Variants in ZDBF2 observed in about 807,000 individuals in gnomAD.
ZDBF2 encodes DBF4-type zinc finger-containing protein 2.
In ZDBF2, 6 loss-of-function variants were observed where a neutral mutation model predicts 9.4. That is an observed-to-expected ratio of 0.64 (90% confidence interval 0.35 to 1.27). ZDBF2 has a LOEUF of 1.27. ZDBF2 is among the 50% of genes most tolerant of loss of function. The pLI is 0.03. For missense variants in ZDBF2, 2,697 were observed against 2,766.8 expected, an observed-to-expected ratio of 0.97 and a Z score of 0.57; for synonymous variants, 905 against 946.3, an observed-to-expected ratio of 0.96 and a Z score of 0.80.
At chr2:206,292,360 A>T (rs994301352) in intron 3 of ZDBF2, among the ~76,000 whole-genome samples, 1 of 152,190 alleles carries the variant, frequency 6.6e-6, no homozygotes, top group Non-Finnish European at 1.5e-5. Context: ...GGAAAAATTG[A>T]AATGATGAAA....
In ZDBF2 at chr2:206,297,355, A is replaced by G. The variant is rs781084722; in HGVS notation, c.170A>G (p.Tyr57Cys). The G allele has an allele frequency of 3.1e-6, 5 of 1,613,104 alleles. No homozygotes were observed. The highest frequency in any genetic ancestry group is 4.2e-6 in the Non-Finnish European group (5 of 1,179,606). The change falls in exon 4 of 5, where the codon TAT (tyrosine) becomes TGT (cysteine). Residue 57 changes from tyrosine (Y) to cysteine (C), a missense_variant. By Grantham distance (194) the Tyr-to-Cys change is radical. Coordinates refer to ENST00000374423, the MANE Select transcript of ZDBF2 (RefSeq NM_020923.3). ...FLQDVLQHHP[Y>C]HCQESSSTQD... The stretch of plus-strand genomic sequence containing the variant: ...CAGGATGTACTGCAGCACCACCCAT[A>G]TCATTGTCAAGAGAGCAGGTAAAGT...
intron 3 of ZDBF2, among the ~76,000 whole-genome samples, chr2:206,295,296 G>A (rs1204845866): frequency 6.6e-6 from 1 of 151,606 alleles, no homozygotes; most frequent in Non-Finnish European, 1.5e-5. Flanking sequence ...TCAAATCCTG[G>A]CCTTGCTGTT....
Position 206,306,474 on chromosome 2 carries a change from T to C in ZDBF2, c.1946T>C (p.Leu649Pro). ...AGGGCTGTTGAAAAGATAAATCTTC[T>C]GAAGGAGAAGAATGCTGACCTTATG... ...SQRAVEKINL[L>P]KEKNADLMDM... is the part of the protein sequence containing the mutation. Residue 649 changes from leucine (L) to proline (P), a missense_variant, in exon 5 of 5, where the codon CTG becomes CCG. Coordinates refer to ENST00000374423, the MANE Select transcript of ZDBF2 (RefSeq NM_020923.3). 1 of 1,613,866 alleles carries C rather than the reference T, an allele frequency of 6.2e-7. No individual in the cohort carries two copies. The highest frequency in any genetic ancestry group is 8.5e-7 in the Non-Finnish European group (1 of 1,179,798).
At position 206,293,652 on chromosome 2, in the gene ZDBF2, A is replaced by G. The variant is rs112741132; in HGVS notation, c.61-3594A>G. On this transcript the variant is annotated intron_variant, in intron 3 of 4. Transcript: ENST00000374423. Reference sequence around the variant, plus strand: ...ACCCAATGTAAAAGAGGATATCCAGATGGCTAGTAAATATGAAAAGCTATT... The same window carrying G: ...ACCCAATGTAAAAGAGGATATCCAGGTGGCTAGTAAATATGAAAAGCTATT... Among the ~76,000 whole-genome samples the G allele has an allele frequency of 5.3e-5, 8 of 152,352 alleles. 1 individual carries two copies. The highest frequency in any genetic ancestry group is 1.9e-4 in the African/African-American group (8 of 41,590).
intron 3 of ZDBF2, among the ~76,000 whole-genome samples, chr2:206,282,552 A>G (rs1232301319): frequency 1.3e-5 from 2 of 152,154 alleles, no homozygotes. Flanking sequence ...TCTTTAAGAC[A>G]TTGTAGGCTA....
At chr2:206,293,688 C>T (rs1292479268) in intron 3 of ZDBF2, among the ~76,000 whole-genome samples, 1 of 152,082 alleles carries the variant, frequency 6.6e-6, no homozygotes, top group Non-Finnish European at 1.5e-5. Flanking sequence ...GCAAAAATTA[C>T]AGATTAAGGC....
chr2:206,297,573 GT>G (rs377526781), intron 4 of ZDBF2, among the ~76,000 whole-genome samples, 200 bp downstream of exon 4: 288 of 152,102 alleles, frequency 1.9e-3, no homozygotes, highest in African/African-American at 6.2e-3. Context: ...ACTACACTAT[GT>G]TTTTTTCTAA....
In ZDBF2 at chr2:206,309,441, A is replaced by T. The variant is rs1230458861; in HGVS notation, c.4913A>T (p.Tyr1638Phe). Reference protein sequence around the residue: ...NVDASDQSMTYESQGPDEKMV... With the variant: ...NVDASDQSMTFESQGPDEKMV... Reference sequence around the variant, plus strand: ...GATGCCTCTGATCAGTCCATGACTTACGAGTCACAAGGACCTGATGAGAAA... The same window carrying T: ...GATGCCTCTGATCAGTCCATGACTTTCGAGTCACAAGGACCTGATGAGAAA... The change falls in exon 5 of 5, where the codon TAC becomes TTC. Residue 1638 changes from tyrosine to phenylalanine, a missense_variant. Tyr to Phe is a conservative substitution (Grantham distance 22). Transcript: ENST00000374423. 1 of 1,613,678 alleles carries T rather than the reference A, an allele frequency of 6.2e-7. No individual in the cohort carries two copies. The highest frequency in any genetic ancestry group is 8.5e-7 in the Non-Finnish European group (1 of 1,179,820).
chr2:206,303,877 A>G, intron 4 of ZDBF2, among the ~76,000 whole-genome samples: 1 of 152,300 alleles, frequency 6.6e-6, no homozygotes, highest in East Asian at 1.9e-4. Flanking sequence ...TTGTATATAT[A>G]GAGCCGCTTT....
At position 206,310,378 on chromosome 2, in the gene ZDBF2, T is replaced by A; in HGVS notation, c.5850T>A (p.Cys1950Ter). ...AKISHSTQTS[C>*]KNYPVMKRKI... is the part of the protein sequence containing the mutation. ...TCAGCCATAGTACTCAGACCAGTTG[T>A]AAGAATTACCCAGTGATGAAAAGAA... is the stretch of plus-strand genomic sequence containing the variant. Residue 1950 changes from cysteine to a stop codon, truncating the protein, a stop_gained, in exon 5 of 5, where the codon TGT becomes TGA. Transcript: ENST00000374423. LOFTEE classifies it low-confidence loss of function (END_TRUNC). The A allele has an allele frequency of 6.2e-7, 1 of 1,613,878 alleles. No homozygotes were observed. The highest frequency in any genetic ancestry group is 8.5e-7 in the Non-Finnish European group (1 of 1,179,870).
Position 206,306,059 on chromosome 2 carries a change from C to G in ZDBF2, c.1531C>G (p.Gln511Glu). ...TCAGTCCACTAGTGACTACCCCCAACAATCTGTAACAGAAGTAAACCTTCC... is the reference window on the plus strand; with the variant it reads ...TCAGTCCACTAGTGACTACCCCCAAGAATCTGTAACAGAAGTAAACCTTCC... ...SPQSTSDYPQQSVTEVNLPKE... is the reference protein window; with the variant it reads ...SPQSTSDYPQESVTEVNLPKE... The change falls in exon 5 of 5, where the codon CAA becomes GAA. Residue 511 changes from glutamine (Q) to glutamate (E), a missense_variant. By Grantham distance (29) the Gln-to-Glu change is conservative (BLOSUM62 2). Transcript: ENST00000374423. 6.2e-7 allele frequency: 1 copy of G among 1,613,796 alleles called. No individual in the cohort carries two copies. Among genetic ancestry groups the G allele is most frequent in the Non-Finnish European group, 8.5e-7 (1 of 1,179,808 alleles).
In ZDBF2 at chr2:206,304,752, C is replaced by T; in HGVS notation, c.224C>T (p.Ser75Leu). The change falls in exon 5 of 5, where the codon TCA (serine) becomes TTA (leucine). Residue 75 changes from serine to leucine, a missense_variant. Ser to Leu is a moderately radical substitution (Grantham distance 145). Coordinates refer to ENST00000374423, the MANE Select transcript of ZDBF2 (RefSeq NM_020923.3). The stretch of plus-strand genomic sequence containing the variant: ...GATGAGACACATGTGAATACTGGGT[C>T]ATCGTCTGAAGTGGTGCATTTGGAT... ...TQDETHVNTG[S>L]SSEVVHLDDA... The T allele has an allele frequency of 6.2e-7, 1 of 1,612,858 alleles. No individual in the cohort carries two copies.
intron 4 of ZDBF2, among the ~76,000 whole-genome samples, chr2:206,303,024 A>G (rs1469469333): frequency 6.6e-6 from 1 of 152,092 alleles, no homozygotes; most frequent in Non-Finnish European, 1.5e-5. Flanking sequence ...CATTAATGTG[A>G]TATATTTGTT....
intron 3 of ZDBF2, among the ~76,000 whole-genome samples, chr2:206,283,081 A>G (rs1691407629): frequency 6.6e-6 from 1 of 152,232 alleles, no homozygotes; most frequent in Non-Finnish European, 1.5e-5. Context: ...GTTCCATTGC[A>G]TGGATATATC....
At chr2:206,287,540 A>G (rs1184961928) in intron 3 of ZDBF2, among the ~76,000 whole-genome samples, 1 of 152,184 alleles carries the variant, frequency 6.6e-6, no homozygotes, top group Non-Finnish European at 1.5e-5. Flanking sequence ...AATGTGCCTC[A>G]AGGAGGACCT....
rs1692958467 is a variant in ZDBF2 at position 206,308,641 on chromosome 2, T to TGA, written c.4114_4115dup (p.Asp1372GlufsTer18). On this transcript the variant is annotated frameshift_variant, in exon 5 of 5. Transcript: ENST00000374423. LOFTEE classifies it low-confidence loss of function (END_TRUNC). The stretch of plus-strand genomic sequence containing the variant: ...GTCCTGAAGAAAGTTCTGATTCCAA[T>TGA]GACTCTTTTCAGGCAGCAGCAGATG... 1 of 1,612,512 alleles carries TGA rather than the reference T, an allele frequency of 6.2e-7. No individual in the cohort carries two copies. The highest frequency in any genetic ancestry group is 1.3e-5 in the African/African-American group (1 of 74,930).
At chr2:206,300,081 C>A (rs61426140) in intron 4 of ZDBF2, among the ~76,000 whole-genome samples, 1,713 of 152,256 alleles carry the variant, frequency 0.011, 36 homozygotes, top group African/African-American at 0.039. Flanking sequence ...TGCACTCCAG[C>A]CTGGGCAACA....
Position 206,311,786 on chromosome 2 carries a change from A to G in ZDBF2, c.*193A>G, listed in dbSNP as rs1693207339. 2 of 485,308 alleles carry G rather than the reference A, an allele frequency of 4.1e-6. No individual in the cohort carries two copies. The highest frequency in any genetic ancestry group is 8.8e-5 in the Admixed American group (2 of 22,756). 30.1% of individuals were successfully genotyped at this position (485,308 alleles called of 1,614,324 possible). A position where few individuals can be genotyped will look rare whatever the true frequency, so the allele number is the denominator to read the frequency against. ...AGAGTCCTTTCATTTTAAGATTCAG[A>G]AACAGCCTTTGTCCAACATTTTCTG... On this transcript the variant is annotated 3_prime_UTR_variant, in exon 5 of 5. Transcript: ENST00000374423.
In ZDBF2 at chr2:206,310,486, A is replaced by C; in HGVS notation, c.5958A>C (p.Lys1986Asn). 2.5e-6 allele frequency: 4 copies of C among 1,613,582 alleles called. No individual in the cohort carries two copies. The highest frequency in any genetic ancestry group is 3.4e-6 in the Non-Finnish European group (4 of 1,179,826). The change falls in exon 5 of 5, where the codon AAA (lysine) becomes AAC (asparagine). Residue 1986 changes from lysine to asparagine, a missense_variant. Transcript: ENST00000374423. The part of the protein sequence containing the change: ...QDDRKTKKKV[K>N]IGTVEFPASC... ...ACAGAAAAACCAAAAAGAAAGTCAA[A>C]ATTGGGACAGTTGAATTTCCTGCAT...
Sources: gnomAD v4.1 joint callset for allele counts (sites outside exome capture counted in the v4.1 genomes callset) on GRCh38, gnomAD v4.1.1 for gene constraint, MANE v1.5 for transcripts, NCBI Gene and HGNC (gene_info 2026-07-23, HGNC 2026-07-21) for gene names.